The following CASTOR2 variants were observed in gnomAD, a reference collection of about 807,000 sequenced individuals.
CASTOR2 encodes the protein GATS protein like 2.
CASTOR2 carries 8 observed loss-of-function variants against 31.2 expected under a neutral mutation model. The observed-to-expected ratio is 0.26, with a 90% CI of 0.15 to 0.46. The LOEUF (loss-of-function observed/expected upper bound fraction) is 0.46, where lower values mean the gene tolerates loss of function less well. Among genes scored for constraint, CASTOR2 ranks in the 20% least tolerant of loss-of-function variants. The pLI, the probability that CASTOR2 is intolerant of heterozygous loss-of-function variation, is 0.99. For missense variants in CASTOR2, 216 were observed against 382.1 expected (o/e 0.57, Z 3.62); for synonymous variants, 162 against 158.7 (o/e 1.02, Z -0.16).
intron 6 of CASTOR2, among the ~76,000 whole-genome samples, chr7:75,020,981 TA>T (rs1298522743): frequency 6.6e-6 from 1 of 151,398 alleles, no homozygotes; most frequent in Non-Finnish European, 1.5e-5. Flanking sequence ...ATTTTTATTT[TA>T]TTTTTTTTTA....
intron 1 of CASTOR2, among the ~76,000 whole-genome samples, chr7:74,994,024 G>T (rs1290952342): frequency 6.6e-6 from 1 of 152,204 alleles, no homozygotes; most frequent in African/African-American, 2.4e-5. Context: ...GAGAGGCCCC[G>T]TGTGAGGGCC....
At chr7:74,997,208 C>T (rs1804373195) in intron 1 of CASTOR2, among the ~76,000 whole-genome samples, 1 of 151,702 alleles carries the variant, frequency 6.6e-6, no homozygotes, top group South Asian at 2.1e-4. Flanking sequence ...TGCATGTTAC[C>T]AGGCCCTGCT....
chr7:74,995,073 G>C (rs1359358177), intron 1 of CASTOR2, among the ~76,000 whole-genome samples: 1 of 152,248 alleles, frequency 6.6e-6, no homozygotes, highest in East Asian at 1.9e-4. Flanking sequence ...GAGGGAAGAC[G>C]TCATCGGGCT....
At chr7:75,000,943 A>G (rs1323111608) in intron 1 of CASTOR2, among the ~76,000 whole-genome samples, 1 of 152,020 alleles carries the variant, frequency 6.6e-6, no homozygotes, top group Non-Finnish European at 1.5e-5. Context: ...CATTACAGGC[A>G]TGATCCACCG....
intron 1 of CASTOR2, among the ~76,000 whole-genome samples, chr7:74,988,100 C>A (rs1804115708): frequency 6.6e-6 from 1 of 151,478 alleles, no homozygotes; most frequent in African/African-American, 2.4e-5. Flanking sequence ...TCATCTGTGT[C>A]CAGAGATGGC....
At position 75,026,189 on chromosome 7, in the gene CASTOR2, G is replaced by GGTTT. The variant is rs1554440884; in HGVS notation, c.*1490_*1491insGTTT. On this transcript the variant is annotated 3_prime_UTR_variant, in exon 9 of 9. Coordinates refer to ENST00000616305, the MANE Select transcript of CASTOR2 (RefSeq NM_001145064.3). ...CCCTGTGGTTTTGGCTCTGGCGGGG[G>GGTTT]TTTTTTTTTTTTTTTTTGAGATGGG... Among the ~76,000 whole-genome samples the GGTTT allele has an allele frequency of 3.4e-5, 4 of 117,744 alleles. No homozygotes were observed. The highest frequency in any genetic ancestry group is 7.1e-5 in the Non-Finnish European group (4 of 56,722). The allele number at this position is 117,744 out of a possible 152,430, so 77.2% of individuals were successfully genotyped here.
At chr7:74,978,048 C>G (rs1455804999) in intron 1 of CASTOR2, among the ~76,000 whole-genome samples, 3 of 150,458 alleles carry the variant, frequency 2.0e-5, no homozygotes, top group Non-Finnish European at 4.4e-5. Context: ...TGAACATACT[C>G]CAACCTCTGA....
intron 1 of CASTOR2, among the ~76,000 whole-genome samples, chr7:74,996,715 CTTTTTTTTTTTTTTTTT>C (rs1179122101): frequency 5.2e-4 from 21 of 40,766 alleles, no homozygotes; most frequent in Non-Finnish European, 7.5e-4. Context: ...ATGCCTGGTG[CTTTTTTTTTTTTTTTTT>C]TTTTTTTTTT....
intron 2 of CASTOR2, among the ~76,000 whole-genome samples, chr7:75,013,566 C>T (rs1804800264): frequency 6.6e-6 from 1 of 152,052 alleles, no homozygotes; most frequent in Non-Finnish European, 1.5e-5. Flanking sequence ...TCACTTGAGC[C>T]TGGGAGGTTG....
At chr7:74,995,885 G>A (rs1186209046) in intron 1 of CASTOR2, among the ~76,000 whole-genome samples, 9 of 152,058 alleles carry the variant, frequency 5.9e-5, no homozygotes, top group Non-Finnish European at 8.8e-5. Flanking sequence ...TGAGTTGGGA[G>A]GCTCACTTGA....
intron 1 of CASTOR2, among the ~76,000 whole-genome samples, chr7:74,998,269 G>A (rs1212960926): frequency 1.3e-5 from 2 of 152,276 alleles, no homozygotes; most frequent in East Asian, 1.9e-4. Flanking sequence ...TGGGCATGGC[G>A]GCCCTGGAGG....
chr7:75,015,056 ACTGGTC>A (rs1366396929), intron 2 of CASTOR2, among the ~76,000 whole-genome samples: 4 of 152,102 alleles, frequency 2.6e-5, no homozygotes, highest in Non-Finnish European at 4.4e-5. Flanking sequence ...CTGGCTGACC[ACTGGTC>A]CTTCTCAGCC....
In CASTOR2 at chr7:75,017,710, C is replaced by A. The variant is rs1247500673; in HGVS notation, c.297C>A (p.Ile99=). ...CCCAGCCCATCGGCGTGACCAAGAT[C>A]GCCAAGTCAGTCATCGCCCCACTGG... is the stretch of plus-strand genomic sequence containing the variant. The part of the protein sequence containing the change: ...SSSQPIGVTK[I]AKSVIAPLAD... Residue 99 remains isoleucine (I), a synonymous_variant, in exon 3 of 9, where the codon ATC becomes ATA. Transcript: ENST00000616305. The A allele has an allele frequency of 6.2e-7, 1 of 1,613,922 alleles. No individual in the cohort carries two copies. Among genetic ancestry groups the A allele is most frequent in the South Asian group, 1.1e-5 (1 of 91,084 alleles).
Position 75,027,870 on chromosome 7 carries a change from G to A in CASTOR2, c.*3171G>A, listed in dbSNP as rs2131962768. On this transcript the variant is annotated 3_prime_UTR_variant, in exon 9 of 9. Transcript: ENST00000616305. ...GTGTGAGTGTGGTTTTTCCCAGGCA[G>A]GGGCCGTCTGCCCTTGTCCCCCAGC... The A allele has an allele frequency of 1.2e-6, 1 of 809,718 alleles. No individual in the cohort carries two copies. The highest frequency in any genetic ancestry group is 2.0e-6 in the Non-Finnish European group (1 of 491,716). 50.2% of individuals were successfully genotyped at this position (809,718 alleles called of 1,614,324 possible).
intron 2 of CASTOR2, among the ~76,000 whole-genome samples, chr7:75,011,967 A>AAAAG (rs1554439505): frequency 6.6e-6 from 1 of 151,690 alleles, no homozygotes; most frequent in Non-Finnish European, 1.5e-5. Flanking sequence ...ACTCCGTCTT[A>AAAAG]AAAGAAAGAA....
At position 75,025,945 on chromosome 7, in the gene CASTOR2, C is replaced by T. The variant is rs1023634765; in HGVS notation, c.*1246C>T. Among the ~76,000 whole-genome samples, 29 of 152,118 alleles carry T rather than the reference C, an allele frequency of 1.9e-4. No individual in the cohort carries two copies. Among genetic ancestry groups the T allele is most frequent in the African/African-American group, 6.0e-4 (25 of 41,420 alleles). On this transcript the variant is annotated 3_prime_UTR_variant, in exon 9 of 9. Transcript: ENST00000616305. Reference sequence around the variant, plus strand: ...CTGAAGGGAAGCTAGGAGCAGAGATCTGTTACAAGACGCTGGAGCCGCTGG... The same window carrying T: ...CTGAAGGGAAGCTAGGAGCAGAGATTTGTTACAAGACGCTGGAGCCGCTGG...
At position 75,021,934 on chromosome 7, in the gene CASTOR2, T is replaced by C; in HGVS notation, c.807T>C (p.Ile269=). The part of the protein sequence containing the change: ...ASGELWKMVR[I]GGQPLGFDEC... ...GAGAGCTCTGGAAGATGGTCCGGAT[T>C]GGAGGACAGCCCCTGGGGTTTGGTG... Residue 269 remains isoleucine, a synonymous_variant, in exon 7 of 9, where the codon ATT becomes ATC. Transcript: ENST00000616305. The C allele has an allele frequency of 1.3e-6, 2 of 1,551,804 alleles. No homozygotes were observed. Among genetic ancestry groups the C allele is most frequent in the South Asian group, 2.4e-5 (2 of 84,056 alleles).
chr7:74,995,015 T>C (rs1804307145), intron 1 of CASTOR2, among the ~76,000 whole-genome samples: 1 of 152,018 alleles, frequency 6.6e-6, no homozygotes, highest in Non-Finnish European at 1.5e-5. Context: ...CAGGGAGGCC[T>C]TGGCCAGCCA....
At chr7:75,008,603 G>A (rs1326074987) in intron 2 of CASTOR2, among the ~76,000 whole-genome samples, 1 of 152,150 alleles carries the variant, frequency 6.6e-6, no homozygotes, top group Non-Finnish European at 1.5e-5. Flanking sequence ...GACCGAGGCA[G>A]GAGGATCGTT....
Sources: gnomAD v4.1 joint callset for allele counts (sites outside exome capture counted in the v4.1 genomes callset) on GRCh38, gnomAD v4.1.1 for gene constraint, MANE v1.5 for transcripts, NCBI Gene and HGNC (gene_info 2026-07-23, HGNC 2026-07-21) for gene names.